PDPK1: variants seen among roughly 807,000 people sequenced by gnomAD.
PDPK1 encodes the protein 3-phosphoinositide dependent protein kinase 1.
A neutral mutation model predicts 39.8 loss-of-function variants in PDPK1; 7 were observed. The observed-to-expected ratio is 0.18, with a 90% CI of 0.10 to 0.33. PDPK1 has a LOEUF of 0.33. PDPK1 is among the 10% of genes least tolerant of loss of function. The pLI is 1.00. For synonymous variants in PDPK1, 118 were observed against 159.1 expected, an observed-to-expected ratio of 0.74 and a Z score of 1.95; for missense variants, 182 against 384.7, an observed-to-expected ratio of 0.47 and a Z score of 4.41.
In PDPK1 at chr16:2,578,224, C is replaced by G. The variant is rs534168640; in HGVS notation, c.785+724C>G. 8.7e-3 allele frequency among the ~76,000 whole-genome samples: 1,258 copies of G among 143,854 alleles called. 25 individuals are homozygous for G. Among genetic ancestry groups the G allele is most frequent in the Non-Finnish European group, 0.015 (968 of 66,406 alleles). 94.4% of individuals were successfully genotyped at this position (143,854 alleles called of 152,430 possible). On this transcript the variant is annotated intron_variant, in intron 7 of 13. Coordinates refer to ENST00000342085, the MANE Select transcript of PDPK1 (RefSeq NM_002613.5). Reference sequence around the variant, plus strand: ...GAGCGCAGGGAGGCCCTGGAGGGTGCGGGTGTGGGAGGGAGGAGGCGTCCA... The same window carrying G: ...GAGCGCAGGGAGGCCCTGGAGGGTGGGGGTGTGGGAGGGAGGAGGCGTCCA...
At chr16:2,592,924 G>T (rs535337232) in intron 11 of PDPK1, 4 of 456,450 alleles carry the variant, frequency 8.8e-6, no homozygotes, top group Non-Finnish European at 1.8e-5. Context: ...CTGCCTCCCC[G>T]TGGTGCTGGC....
intron 1 of PDPK1, among the ~76,000 whole-genome samples, chr16:2,544,028 C>T (rs1255714158): frequency 6.6e-6 from 1 of 152,032 alleles, no homozygotes; most frequent in Non-Finnish European, 1.5e-5. Context: ...AGCCACCGTG[C>T]CCGGCCTGCT....
chr16:2,542,225 T>A (rs1422066319), intron 1 of PDPK1, among the ~76,000 whole-genome samples: 1 of 152,228 alleles, frequency 6.6e-6, no homozygotes, highest in African/African-American at 2.4e-5. Context: ...AGTGGCATGA[T>A]TTTGGCTCAC....
At chr16:2,544,543 A>T (rs1184928497) in intron 1 of PDPK1, among the ~76,000 whole-genome samples, 1 of 152,118 alleles carries the variant, frequency 6.6e-6, no homozygotes, top group African/African-American at 2.4e-5. Context: ...CCAGTTGTTA[A>T]CCTTTTCCAT....
chr16:2,597,164 A>C lies in PDPK1; in HGVS notation c.1443A>C (p.Gly481=). 1 of 1,574,854 alleles carries C rather than the reference A, an allele frequency of 6.3e-7. No individual in the cohort carries two copies. Among genetic ancestry groups the C allele is most frequent in the Non-Finnish European group, 8.7e-7 (1 of 1,151,546 alleles). ...GACGACAGCTGTTGCTCACAGAAGG[A>C]CCACATTTATATTATGTGGATCCTG... is the stretch of plus-strand genomic sequence containing the variant. ...ARRRQLLLTE[G]PHLYYVDPVN... is the part of the protein sequence containing the mutation. The change falls in exon 13 of 14, where the codon GGA becomes GGC. Residue 481 remains glycine (G), a synonymous_variant. Coordinates refer to ENST00000342085, the MANE Select transcript of PDPK1 (RefSeq NM_002613.5). The surrounding 1 kb of genome is among the most constrained non-coding windows in gnomAD (Gnocchi z 6.3).
intron 1 of PDPK1, among the ~76,000 whole-genome samples, chr16:2,543,814 C>G (rs545577705): frequency 3.3e-5 from 5 of 152,168 alleles, no homozygotes; most frequent in African/African-American, 1.2e-4. Context: ...CTCCGTCTTT[C>G]AGGTTGAAGC....
chr16:2,551,668 TTTTTTTTTTTG>T (rs1200746603), intron 1 of PDPK1, among the ~76,000 whole-genome samples: 3,024 of 150,114 alleles, frequency 0.02, 142 homozygotes, highest in African/African-American at 0.072. Flanking sequence ...TCTTTTTTTT[TTTTTTTTTTTG>T]TTTTTAGACG....
In PDPK1 at chr16:2,601,044, G is replaced by T. The variant is rs1300292420; in HGVS notation, c.*3277G>T. On this transcript the variant is annotated 3_prime_UTR_variant, in exon 14 of 14. Coordinates refer to ENST00000342085, the MANE Select transcript of PDPK1 (RefSeq NM_002613.5). ...TTCCCTACTGTAAAATACTTAAGAC[G>T]GTTTCTGATTTTTCCACTATTTAAA... 1.3e-5 allele frequency: 3 copies of T among 232,124 alleles called. No homozygotes were observed. Among genetic ancestry groups the T allele is most frequent in the Non-Finnish European group, 2.5e-5 (3 of 117,848 alleles). 14.4% of individuals were successfully genotyped at this position (232,124 alleles called of 1,614,324 possible). A position where few individuals can be genotyped will look rare whatever the true frequency, so the allele number is the denominator to read the frequency against.
At chr16:2,591,169 G>GT (rs748740706) in intron 11 of PDPK1, among the ~76,000 whole-genome samples, 1 of 151,966 alleles carries the variant, frequency 6.6e-6, no homozygotes, top group Non-Finnish European at 1.5e-5. Context: ...CACCATATTG[G>GT]TCAGGCTGGT....
chr16:2,579,940 AAAAAG>A (rs2066790477), intron 7 of PDPK1: 1 of 141,744 alleles, frequency 7.1e-6, no homozygotes, highest in African/African-American at 2.7e-5. Flanking sequence ...CTCAAAAAAG[AAAAAG>A]AAAAAAGAAA....
At chr16:2,545,428 G>T (rs1226970537) in intron 1 of PDPK1, among the ~76,000 whole-genome samples, 1 of 151,582 alleles carries the variant, frequency 6.6e-6, no homozygotes, top group Non-Finnish European at 1.5e-5. Context: ...AACTCCCTTG[G>T]GCTCAAGCCA....
intron 11 of PDPK1, among the ~76,000 whole-genome samples, chr16:2,589,586 G>A (rs1275993075): frequency 1.3e-5 from 2 of 151,818 alleles, no homozygotes; most frequent in Admixed American, 1.3e-4. Flanking sequence ...TGCTTGGGGA[G>A]GTTGAGGTAG....
rs865893477 is a variant in PDPK1, at chr16:2,598,538, G to A, written c.*771G>A. ...TGGTCTCTGGGGCTGGAAGCCGAGC[G>A]CATGCTGGGAGCGGTACTGTCAGAA... On this transcript the variant is annotated 3_prime_UTR_variant, in exon 14 of 14. Transcript: ENST00000342085. The A allele has an allele frequency of 4.3e-6, 1 of 233,482 alleles. No homozygotes were observed. Among genetic ancestry groups the A allele is most frequent in the Non-Finnish European group, 8.5e-6 (1 of 118,226 alleles). The allele number at this position is 233,482 out of a possible 1,614,324, so 14.5% of individuals were successfully genotyped here. A position where few individuals can be genotyped will look rare whatever the true frequency, so the allele number is the denominator to read the frequency against.
chr16:2,556,271 A>C (rs1418202132), intron 1 of PDPK1, among the ~76,000 whole-genome samples: 16 of 147,216 alleles, frequency 1.1e-4, no homozygotes, highest in South Asian at 1.1e-3. Context: ...TTTTTAGTAG[A>C]GGTGAGGTTT....
chr16:2,541,360 G>C (rs536338824), intron 1 of PDPK1, among the ~76,000 whole-genome samples: 2 of 152,196 alleles, frequency 1.3e-5, no homozygotes, highest in South Asian at 4.1e-4. Flanking sequence ...GGTGGGAGAC[G>C]GAGTCTGGCA....
In PDPK1 at chr16:2,600,835, G is replaced by A. The variant is rs531050862; in HGVS notation, c.*3068G>A. 9 of 197,088 alleles carry A rather than the reference G, an allele frequency of 4.6e-5. 1 individual carries two copies. The South Asian group carries it at 1.5e-3, about 32-fold the overall frequency. 12.2% of individuals were successfully genotyped at this position (197,088 alleles called of 1,614,324 possible). On this transcript the variant is annotated 3_prime_UTR_variant, in exon 14 of 14. Transcript: ENST00000342085. ...AGAAGACCACTGTGAGCATTTTGCC[G>A]TATATCCTGCCCTGCCATTTGTTCA...
At chr16:2,539,051 A>T in intron 1 of PDPK1, 2 of 206,012 alleles carry the variant, frequency 9.7e-6, no homozygotes, top group Non-Finnish European at 2.0e-5. Context: ...AAGAAATTTA[A>T]TTGATCCCGT....
rs935884951 is a variant in PDPK1, at chr16:2,601,710, C to T, written c.*3943C>T. 1 of 138,148 alleles carries T rather than the reference C, an allele frequency of 7.2e-6. No individual in the cohort carries two copies. Among genetic ancestry groups the T allele is most frequent in the Non-Finnish European group, 1.4e-5 (1 of 70,782 alleles). 8.6% of individuals were successfully genotyped at this position (138,148 alleles called of 1,614,324 possible). ...GTCTCCCCCTTCCACCCGTGGGGCC[C>T]CACCTTCAGGTCTTAGTGGTTCACA... On this transcript the variant is annotated 3_prime_UTR_variant, in exon 14 of 14. Coordinates refer to ENST00000342085, the MANE Select transcript of PDPK1 (RefSeq NM_002613.5).
rs1037097009 is a variant in PDPK1 at position 2,598,985 on chromosome 16, G to C, written c.*1218G>C. The C allele has an allele frequency of 4.3e-6, 1 of 233,206 alleles. No individual in the cohort carries two copies. Among genetic ancestry groups the C allele is most frequent in the African/African-American group, 2.2e-5 (1 of 45,352 alleles). 14.4% of individuals were successfully genotyped at this position (233,206 alleles called of 1,614,324 possible). On this transcript the variant is annotated 3_prime_UTR_variant, in exon 14 of 14. Transcript: ENST00000342085. ...TGCCAGTTGCTGTTGCACAGGAGGC[G>C]AGAACAGCACACTTCAACCCCAGCT...
Sources: gnomAD v4.1 joint callset for allele counts (sites outside exome capture counted in the v4.1 genomes callset) on GRCh38, gnomAD v4.1.1 for gene constraint, Gnocchi (gnomAD v3.1) non-coding constraint, MANE v1.5 for transcripts, NCBI Gene and HGNC (gene_info 2026-07-23, HGNC 2026-07-21) for gene names.